Variants in FAR1 observed in about 807,000 individuals in gnomAD.
FAR1 encodes fatty acyl-CoA reductase 1.
FAR1 carries 22 observed loss-of-function variants against 61.1 expected under a neutral mutation model. The observed-to-expected ratio is 0.36, with a 90% CI of 0.26 to 0.51. The LOEUF (loss-of-function observed/expected upper bound fraction) is 0.51, where lower values mean the gene tolerates loss of function less well. Among genes scored for constraint, FAR1 ranks in the 20% least tolerant of loss-of-function variants. The pLI is 0.95. For missense variants in FAR1, 359 were observed against 626.9 expected (o/e 0.57, Z 4.56); for synonymous variants, 206 against 209.7 (o/e 0.98, Z 0.15).
Position 13,728,592 on chromosome 11 carries a change from T to C in FAR1, c.1386-20T>C, listed in dbSNP as rs759971237. The C allele has an allele frequency of 6.2e-7, 1 of 1,604,590 alleles. No individual in the cohort carries two copies. On this transcript the variant is annotated intron_variant, in intron 11 of 11. Transcript: ENST00000354817. ...TTTCTAGAAAATACTGTCTAACATA[T>C]CTCTTGATTTGCTTTCCAGGTTGCG... is the stretch of plus-strand genomic sequence containing the variant.
intron 10 of FAR1, chr11:13,723,421 C>T: frequency 2.5e-6 from 1 of 396,332 alleles, no homozygotes; most frequent in Non-Finnish European, 4.8e-6. Flanking sequence ...TTCTGTCTTA[C>T]ATTTTTGCTG....
chr11:13,713,112 C>T (rs1848517599), intron 8 of FAR1, 79 bp downstream of exon 8: 1 of 1,270,298 alleles, frequency 7.9e-7, no homozygotes, highest in Non-Finnish European at 1.2e-6. Context: ...TGTTAGAATA[C>T]CTATGAGGCA....
chr11:13,697,852 C>G (rs142143487), intron 2 of FAR1, among the ~76,000 whole-genome samples: 1 of 152,124 alleles, frequency 6.6e-6, no homozygotes, highest in South Asian at 2.1e-4. Flanking sequence ...AAGTTTCAGG[C>G]TTAGGCCTTG....
At chr11:13,672,061 C>T (rs775980142) in intron 1 of FAR1, among the ~76,000 whole-genome samples, 1 of 151,984 alleles carries the variant, frequency 6.6e-6, no homozygotes, top group Non-Finnish European at 1.5e-5. Context: ...TGAGAAGAAA[C>T]CATTGAGTTA....
At chr11:13,686,968 TGAG>T (rs1393965852) in intron 1 of FAR1, among the ~76,000 whole-genome samples, 1 of 152,202 alleles carries the variant, frequency 6.6e-6, no homozygotes, top group Non-Finnish European at 1.5e-5. Flanking sequence ...CTTTTGCAAA[TGAG>T]GAAACAGGTT....
intron 1 of FAR1, 106 bp from the exon 2 acceptor site, chr11:13,694,650 TGAC>T: frequency 1.1e-6 from 1 of 930,750 alleles, no homozygotes. Flanking sequence ...TGTTCTATTT[TGAC>T]TTTTGTCTGC....
intron 1 of FAR1, among the ~76,000 whole-genome samples, chr11:13,679,109 A>AT (rs535323639): frequency 2.6e-5 from 4 of 152,114 alleles, no homozygotes; most frequent in South Asian, 2.1e-4. Flanking sequence ...AATTTTATAA[A>AT]TTTTTTTTAG....
rs1193370092 is a variant in FAR1, at chr11:13,694,578, A to T, written c.-7-181A>T. ...AAACACAGGGTTAAAAATAAGCTAT[A>T]GTTCTCATTCTTCTTTCCACTTTAC... On this transcript the variant is annotated intron_variant, in intron 1 of 11. Coordinates refer to ENST00000354817, the MANE Select transcript of FAR1 (RefSeq NM_032228.6). Among the ~76,000 whole-genome samples, 4 of 152,188 alleles carry T rather than the reference A, an allele frequency of 2.6e-5. 1 individual carries two copies. The highest frequency in any genetic ancestry group is 3.2e-3 in the Middle Eastern group (1 of 316).
chr11:13,731,381 T>A lies in FAR1; in HGVS notation c.*2607T>A, dbSNP rs1406336876. The A allele has an allele frequency of 6.6e-6, 1 of 152,608 alleles. No individual in the cohort carries two copies. The highest frequency in any genetic ancestry group is 1.5e-5 in the Non-Finnish European group (1 of 68,016). 9.5% of individuals were successfully genotyped at this position (152,608 alleles called of 1,614,324 possible). ...TATAGGAATTAACTTGGGATTGTTT[T>A]GTGGGTTTTTGTTTGTTTTAAATGT... is the stretch of plus-strand genomic sequence containing the variant. On this transcript the variant is annotated 3_prime_UTR_variant, in exon 12 of 12. Coordinates refer to ENST00000354817, the MANE Select transcript of FAR1 (RefSeq NM_032228.6).
intron 4 of FAR1, among the ~76,000 whole-genome samples, chr11:13,708,434 T>TGCGTGCGCGC (rs372835235): frequency 1.5e-5 from 2 of 134,382 alleles, no homozygotes; most frequent in African/African-American, 5.6e-5. Context: ...CATATACATG[T>TGCGTGCGCGC]GCGCGCGCGC....
At chr11:13,676,947 C>A (rs1848074697) in intron 1 of FAR1, among the ~76,000 whole-genome samples, 1 of 152,178 alleles carries the variant, frequency 6.6e-6, no homozygotes, top group South Asian at 2.1e-4. Flanking sequence ...GATCTGGCCT[C>A]TCCTTCAATA....
chr11:13,680,128 G>A (rs1051636968), intron 1 of FAR1, among the ~76,000 whole-genome samples: 1 of 152,288 alleles, frequency 6.6e-6, no homozygotes, highest in Middle Eastern at 3.4e-3. Flanking sequence ...TGTGGAAAAT[G>A]CTCAATAAGC....
intron 1 of FAR1, among the ~76,000 whole-genome samples, chr11:13,671,068 C>G (rs993193934): frequency 6.6e-6 from 1 of 152,130 alleles, no homozygotes; most frequent in East Asian, 1.9e-4. Context: ...TTTGTGAAAG[C>G]GATTTCTTAG....
chr11:13,726,298 C>G (rs570568670), intron 10 of FAR1, among the ~76,000 whole-genome samples: 2 of 151,968 alleles, frequency 1.3e-5, no homozygotes, highest in Non-Finnish European at 2.9e-5. Flanking sequence ...TCCTCCATCC[C>G]CAGACATAAA....
chr11:13,698,830 C>CA (rs75986780), intron 2 of FAR1, among the ~76,000 whole-genome samples: 543 of 131,392 alleles, frequency 4.1e-3, no homozygotes, highest in East Asian at 0.012. Flanking sequence ...GACTCCGTCT[C>CA]AAAAAAAAAA....
chr11:13,722,963 C>T (rs1274014530), intron 10 of FAR1, among the ~76,000 whole-genome samples: 1 of 151,578 alleles, frequency 6.6e-6, no homozygotes, highest in Non-Finnish European at 1.5e-5. Context: ...ATTCAGCATA[C>T]CTAGAATATG....
chr11:13,695,704 C>T (rs1318362020), intron 2 of FAR1, among the ~76,000 whole-genome samples: 3 of 152,134 alleles, frequency 2.0e-5, no homozygotes, highest in African/African-American at 7.2e-5. Flanking sequence ...TATCTACATT[C>T]GTATAGGCCT....
At chr11:13,698,320 C>T (rs1228232145) in intron 2 of FAR1, among the ~76,000 whole-genome samples, 1 of 152,068 alleles carries the variant, frequency 6.6e-6, no homozygotes, top group Non-Finnish European at 1.5e-5. Flanking sequence ...AGATATGGAC[C>T]CTACCCTAAT....
intron 1 of FAR1, among the ~76,000 whole-genome samples, chr11:13,692,085 T>C (rs1446775481): frequency 6.6e-6 from 1 of 152,164 alleles, no homozygotes; most frequent in Non-Finnish European, 1.5e-5. Flanking sequence ...GAGACTCACT[T>C]GAACCCAGGA....
Sources: allele counts gnomAD v4.1 joint callset (sites outside exome capture counted in the v4.1 genomes callset), GRCh38; gene constraint gnomAD v4.1.1; transcripts MANE v1.5; gene names NCBI Gene and HGNC (gene_info 2026-07-23, HGNC 2026-07-21).